The following FBXL17 variants were observed in gnomAD, a reference collection of about 807,000 sequenced individuals.
FBXL17 encodes the protein F-box/LRR-repeat protein 17.
FBXL17 carries 22 observed loss-of-function variants against 66.2 expected under a neutral mutation model. The observed-to-expected ratio is 0.33, with a 90% CI of 0.24 to 0.47. The LOEUF (loss-of-function observed/expected upper bound fraction) is 0.47. Among genes scored for constraint, FBXL17 ranks in the 20% least tolerant of loss-of-function variants. The probability of loss-of-function intolerance (pLI) is 1.00; values close to 1 mark genes in which losing one functional copy is unlikely to be tolerated. For synonymous variants in FBXL17, 474 were observed against 400.5 expected (o/e 1.18, Z -2.19); for missense variants, 878 against 948.2 (o/e 0.93, Z 0.97).
At chr5:108,151,447 C>T (rs1354769249) in intron 6 of FBXL17, among the ~76,000 whole-genome samples, 1 of 152,150 alleles carries the variant, frequency 6.6e-6, no homozygotes, top group Non-Finnish European at 1.5e-5. Flanking sequence ...CTCCAGTGTT[C>T]TGTATTTGCT....
chr5:108,164,634 T>C (rs1752340761), intron 6 of FBXL17, among the ~76,000 whole-genome samples: 1 of 152,158 alleles, frequency 6.6e-6, no homozygotes, highest in Admixed American at 6.5e-5. Context: ...AACTGATATG[T>C]ATTAAGTAGT....
chr5:108,123,734 A>G (rs536959355), intron 6 of FBXL17, among the ~76,000 whole-genome samples: 3 of 152,210 alleles, frequency 2.0e-5, no homozygotes, highest in Non-Finnish European at 4.4e-5. Flanking sequence ...AAACCAATGG[A>G]GCACACACAA....
intron 6 of FBXL17, among the ~76,000 whole-genome samples, chr5:108,153,274 T>C (rs866547352): frequency 2.0e-5 from 3 of 152,198 alleles, no homozygotes; most frequent in Non-Finnish European, 4.4e-5. Context: ...GCATATAAAT[T>C]GAATCTTGAA....
chr5:107,885,699 A>G (rs1253680987), intron 7 of FBXL17, among the ~76,000 whole-genome samples: 1 of 152,216 alleles, frequency 6.6e-6, no homozygotes, highest in African/African-American at 2.4e-5. Flanking sequence ...CTTCGTAAAA[A>G]GCACAAGGGA....
chr5:108,213,414 G>T (rs1754462311), intron 5 of FBXL17, among the ~76,000 whole-genome samples: 1 of 152,202 alleles, frequency 6.6e-6, no homozygotes, highest in Admixed American at 6.5e-5. Flanking sequence ...GAAACCCAGA[G>T]CCCTGGTGGC....
At chr5:108,378,615 T>C (rs114957988) in intron 1 of FBXL17, among the ~76,000 whole-genome samples, 2,499 of 152,258 alleles carry the variant, frequency 0.016, 78 homozygotes, top group African/African-American at 0.056. Context: ...CACCACCACA[T>C]GGCTCTACCG....
At chr5:107,925,255 T>C (rs1750488677) in intron 7 of FBXL17, among the ~76,000 whole-genome samples, 3 of 152,216 alleles carry the variant, frequency 2.0e-5, no homozygotes, top group African/African-American at 7.2e-5. Context: ...CCATACTGTT[T>C]TCATCTCTAT....
chr5:108,334,564 G>T (rs549631679), intron 4 of FBXL17, among the ~76,000 whole-genome samples: 1 of 152,336 alleles, frequency 6.6e-6, no homozygotes, highest in Middle Eastern at 3.4e-3. Context: ...TAGGTAGAGG[G>T]TTAGGGTACC....
intron 4 of FBXL17, among the ~76,000 whole-genome samples, chr5:108,302,758 T>C (rs1758651320): frequency 6.6e-6 from 1 of 151,868 alleles, no homozygotes; most frequent in Admixed American, 6.6e-5. Context: ...TAATGTAATC[T>C]ATGAAATTTA....
chr5:108,028,015 C>A (rs1200971175), intron 6 of FBXL17, among the ~76,000 whole-genome samples: 2 of 152,004 alleles, frequency 1.3e-5, no homozygotes, highest in Non-Finnish European at 2.9e-5. Flanking sequence ...GGTGTTCTGG[C>A]ATATTTTAAT....
chr5:108,266,180 T>C (rs1757038273), intron 4 of FBXL17, among the ~76,000 whole-genome samples: 1 of 152,132 alleles, frequency 6.6e-6, no homozygotes, highest in Non-Finnish European at 1.5e-5. Context: ...GGAGTAATTA[T>C]TAGCAGAAAC....
chr5:108,253,626 A>G (rs1377671658), intron 4 of FBXL17, among the ~76,000 whole-genome samples: 1 of 152,172 alleles, frequency 6.6e-6, no homozygotes, highest in Admixed American at 6.5e-5. Flanking sequence ...AACATTCCGC[A>G]TTAACCATCA....
chr5:108,189,506 AAC>A (rs1213029947), intron 5 of FBXL17, among the ~76,000 whole-genome samples: 2 of 152,138 alleles, frequency 1.3e-5, no homozygotes, highest in Non-Finnish European at 2.9e-5. Flanking sequence ...CCCTGAGAGA[AAC>A]ACAGTGAGAA....
rs756726228 is a variant in FBXL17, at chr5:108,083,218, AACACAC to A, written c.1746-62223_1746-62218del. 3.3e-4 allele frequency among the ~76,000 whole-genome samples: 47 copies of A among 144,594 alleles called. No homozygotes were observed. In the South Asian group the frequency reaches 8.4e-3, roughly 26 times the overall value. The allele number at this position is 144,594 out of a possible 152,430, so 94.9% of individuals were successfully genotyped here. On this transcript the variant is annotated intron_variant, in intron 6 of 8. Transcript: ENST00000542267. ...GGCTTCTCCCTCACCCTCACCTCAG[AACACAC>A]ACACACACACACACACACACACACA...
At chr5:108,243,399 C>G (rs1374693030) in intron 4 of FBXL17, among the ~76,000 whole-genome samples, 2 of 152,300 alleles carry the variant, frequency 1.3e-5, no homozygotes, top group East Asian at 3.9e-4. Context: ...AAGTAATCTA[C>G]TAATGTAACA....
intron 4 of FBXL17, among the ~76,000 whole-genome samples, chr5:108,329,171 A>G (rs1760001256): frequency 6.6e-6 from 1 of 152,140 alleles, no homozygotes; most frequent in Non-Finnish European, 1.5e-5. Context: ...CTTTCTGGAA[A>G]TAAACCCTAC....
At chr5:107,996,278 A>G (rs1251482872) in intron 7 of FBXL17, among the ~76,000 whole-genome samples, 3 of 151,984 alleles carry the variant, frequency 2.0e-5, no homozygotes, top group Admixed American at 6.6e-5. Flanking sequence ...CTCTTAAATT[A>G]TCTTTGTCTT....
At chr5:108,189,886 A>G (rs1159397103) in intron 5 of FBXL17, among the ~76,000 whole-genome samples, 1 of 152,128 alleles carries the variant, frequency 6.6e-6, no homozygotes, top group African/African-American at 2.4e-5. Flanking sequence ...TAGTTCTACA[A>G]CCACGAGGAA....
intron 6 of FBXL17, among the ~76,000 whole-genome samples, chr5:108,049,861 C>T (rs1277787645): frequency 6.6e-6 from 1 of 152,090 alleles, no homozygotes; most frequent in Non-Finnish European, 1.5e-5. Context: ...TGCAAAGACA[C>T]ACTATACAAA....
Sources: allele counts gnomAD v4.1 joint callset (sites outside exome capture counted in the v4.1 genomes callset), GRCh38; gene constraint gnomAD v4.1.1; transcripts MANE v1.5; gene names NCBI Gene and HGNC (gene_info 2026-07-23, HGNC 2026-07-21).